Variants in TENM2 observed in about 807,000 individuals in gnomAD.
TENM2 encodes teneurin-2.
In TENM2, 52 loss-of-function variants were observed where a neutral mutation model predicts 245.2. The observed-to-expected ratio is 0.21, with a 90% CI of 0.17 to 0.27. The LOEUF is 0.27. Ranked by LOEUF, TENM2 falls within the 10% of genes least tolerant of loss-of-function variation. The pLI, the probability that TENM2 is intolerant of heterozygous loss-of-function variation, is 1.00. For missense variants in TENM2, 3,046 were observed against 3,666.8 expected, an observed-to-expected ratio of 0.83 and a Z score of 4.37; for synonymous variants, 1,363 against 1,438.9, an observed-to-expected ratio of 0.95 and a Z score of 1.19.
chr5:167,074,150 G>A, the TENM2 span, among the ~76,000 whole-genome samples: 1 of 152,182 alleles, frequency 6.6e-6, no homozygotes, highest in African/African-American at 2.4e-5. Flanking sequence ...GACTTAGCTA[G>A]AACATCAGCT....
At chr5:167,224,795 A>G in the TENM2 span, among the ~76,000 whole-genome samples, 1 of 152,044 alleles carries the variant, frequency 6.6e-6, no homozygotes, top group Non-Finnish European at 1.5e-5. Context: ...TTTGAGCAGT[A>G]TGGTAGTTTT....
chr5:167,855,475 T>C (rs1770977976), intron 2 of TENM2, among the ~76,000 whole-genome samples: 2 of 152,072 alleles, frequency 1.3e-5, no homozygotes, highest in African/African-American at 4.8e-5. Flanking sequence ...TTTATTTATG[T>C]TTAATTTGCT....
At chr5:167,960,526 A>G (rs1001908678) in intron 4 of TENM2, among the ~76,000 whole-genome samples, 1 of 151,690 alleles carries the variant, frequency 6.6e-6, no homozygotes, top group Non-Finnish European at 1.5e-5. Context: ...AAGCCTCAGT[A>G]ATAGTGGACC....
At chr5:167,891,390 C>T (rs1774745646) in intron 3 of TENM2, among the ~76,000 whole-genome samples, 1 of 152,144 alleles carries the variant, frequency 6.6e-6, no homozygotes. Flanking sequence ...ATTCTCCTGC[C>T]TCAGCCTCCT....
intron 2 of TENM2, among the ~76,000 whole-genome samples, chr5:167,791,760 G>C (rs1262620172): frequency 6.6e-6 from 1 of 151,860 alleles, no homozygotes; most frequent in African/African-American, 2.4e-5. Flanking sequence ...TGGAATGAGT[G>C]AGCTAGAATT....
intron 2 of TENM2, among the ~76,000 whole-genome samples, chr5:167,619,868 A>G (rs1778043531): frequency 6.6e-6 from 1 of 152,066 alleles, no homozygotes; most frequent in Admixed American, 6.6e-5. Context: ...CCCTTTTAAA[A>G]AAATTAATAG....
At chr5:167,522,394 G>A (rs1311851992) in intron 2 of TENM2, among the ~76,000 whole-genome samples, 1 of 152,052 alleles carries the variant, frequency 6.6e-6, no homozygotes, top group African/African-American at 2.4e-5. Context: ...AAAAGAGGTT[G>A]GATGAGATGT....
intron 3 of TENM2, among the ~76,000 whole-genome samples, chr5:167,896,226 G>A (rs1775209007): frequency 6.6e-6 from 1 of 152,212 alleles, no homozygotes; most frequent in African/African-American, 2.4e-5. Context: ...AGCTGGGGTG[G>A]AGGATTTTAG....
chr5:168,031,511 C>T (rs550793494), intron 5 of TENM2, among the ~76,000 whole-genome samples: 2 of 152,232 alleles, frequency 1.3e-5, no homozygotes, highest in South Asian at 4.2e-4. Flanking sequence ...GTTTTGCATA[C>T]TTTATTTCAT....
chr5:168,125,459 T>A (rs2152353820), intron 11 of TENM2, among the ~76,000 whole-genome samples: 1 of 152,256 alleles, frequency 6.6e-6, no homozygotes, highest in Non-Finnish European at 1.5e-5. Flanking sequence ...AATACTCCAG[T>A]GACAGGAAAA....
chr5:167,461,676 G>T (rs1226424620), intron 2 of TENM2, among the ~76,000 whole-genome samples: 4 of 152,070 alleles, frequency 2.6e-5, no homozygotes, highest in Admixed American at 2.0e-4. Flanking sequence ...TCTTAATTCT[G>T]TCCTAAGCAC....
chr5:167,283,753 T>C (rs539411823), upstream of TENM2, among the ~76,000 whole-genome samples: 19 of 152,334 alleles, frequency 1.2e-4, no homozygotes, highest in South Asian at 2.9e-3. Context: ...GTCTATGCTA[T>C]TTTGCATGGC....
At chr5:167,416,648 A>G (rs1763182097) in intron 2 of TENM2, among the ~76,000 whole-genome samples, 1 of 151,860 alleles carries the variant, frequency 6.6e-6, no homozygotes. Flanking sequence ...TCACCTCAGT[A>G]CAACTATTAT....
intron 1 of TENM2, among the ~76,000 whole-genome samples, chr5:167,346,336 T>C (rs1242552639): frequency 2.0e-5 from 3 of 152,214 alleles, no homozygotes; most frequent in Non-Finnish European, 2.9e-5. Flanking sequence ...ATAGCTCCTA[T>C]TCATACACGG....
At chr5:167,595,248 A>G (rs1342873647) in intron 2 of TENM2, among the ~76,000 whole-genome samples, 1 of 152,222 alleles carries the variant, frequency 6.6e-6, no homozygotes, top group Admixed American at 6.5e-5. Context: ...AAATGGAATC[A>G]AAAGACTATA....
At chr5:167,986,626 T>C (rs911496342) in intron 4 of TENM2, among the ~76,000 whole-genome samples, 4 of 152,234 alleles carry the variant, frequency 2.6e-5, no homozygotes, top group Admixed American at 2.6e-4. Context: ...TGGCCAATTC[T>C]GAGAGCAATT....
chr5:167,526,398 A>C (rs1289530690), intron 2 of TENM2, among the ~76,000 whole-genome samples: 1 of 151,814 alleles, frequency 6.6e-6, no homozygotes, highest in Non-Finnish European at 1.5e-5. Flanking sequence ...ACACACAGAA[A>C]AGAAGAATGA....
intron 7 of TENM2, among the ~76,000 whole-genome samples, chr5:168,084,171 C>T (rs1179654429): frequency 1.3e-5 from 2 of 152,124 alleles, no homozygotes; most frequent in Non-Finnish European, 2.9e-5. Context: ...TGGTAGGCAC[C>T]TAGGTTGATC....
chr5:167,181,523 C>T, the TENM2 span, among the ~76,000 whole-genome samples: 3 of 131,442 alleles, frequency 2.3e-5, no homozygotes, highest in South Asian at 5.2e-4. Flanking sequence ...TTCTTGTTCA[C>T]GTATCCCACC....
Sources: gnomAD v4.1 joint callset for allele counts (sites outside exome capture counted in the v4.1 genomes callset) on GRCh38, gnomAD v4.1.1 for gene constraint, MANE v1.5 for transcripts, NCBI Gene and HGNC (gene_info 2026-07-23, HGNC 2026-07-21) for gene names.